Variants in IFT56 observed in about 807,000 individuals in gnomAD.
IFT56 encodes the protein intraflagellar transport 56.
the IFT56 span, among the ~76,000 whole-genome samples, chr7:139,155,503 T>A: frequency 6.6e-6 from 1 of 152,180 alleles, no homozygotes; most frequent in East Asian, 1.9e-4. Flanking sequence ...CATGAAAGGA[T>A]GTTAATGGAA....
At chr7:139,140,293 T>C in the IFT56 span, among the ~76,000 whole-genome samples, 1 of 152,058 alleles carries the variant, frequency 6.6e-6, no homozygotes, top group Non-Finnish European at 1.5e-5. Context: ...ATGCTGTTGG[T>C]GGTATTTAGG....
At chr7:139,161,152 C>CAG in the IFT56 span, 4 of 704,332 alleles carry the variant, frequency 5.7e-6, no homozygotes, top group East Asian at 2.8e-5. Flanking sequence ...CCCCTCCTCA[C>CAG]TGTGGAGGAG....
the IFT56 span, among the ~76,000 whole-genome samples, chr7:139,181,808 C>T: frequency 6.6e-6 from 1 of 152,120 alleles, no homozygotes; most frequent in Non-Finnish European, 1.5e-5. Flanking sequence ...CATATCTAAA[C>T]ATAGAAAAGG....
the IFT56 span, among the ~76,000 whole-genome samples, chr7:139,180,254 G>A: frequency 6.6e-6 from 1 of 152,122 alleles, no homozygotes; most frequent in Non-Finnish European, 1.5e-5. Context: ...GGAAAATGGC[G>A]TGAACCCGGG....
the IFT56 span, among the ~76,000 whole-genome samples, chr7:139,138,615 A>G: frequency 6.6e-6 from 1 of 152,178 alleles, no homozygotes; most frequent in Non-Finnish European, 1.5e-5. Context: ...GAACAGGAAA[A>G]TTAAGCCATT....
At chr7:139,162,859 C>G in the IFT56 span, among the ~76,000 whole-genome samples, 1 of 151,080 alleles carries the variant, frequency 6.6e-6, no homozygotes, top group African/African-American at 2.4e-5. Context: ...CTCGGGAGGC[C>G]AGGGCAGGAG....
the IFT56 span, among the ~76,000 whole-genome samples, chr7:139,152,420 C>T: frequency 0.23 from 35,279 of 152,206 alleles, 7,197 homozygotes; most frequent in African/African-American, 0.51. Flanking sequence ...AGCCACTGTG[C>T]CCAATCACTT....
chr7:139,185,393 A>G, the IFT56 span, among the ~76,000 whole-genome samples: 1 of 152,026 alleles, frequency 6.6e-6, no homozygotes, highest in Admixed American at 6.5e-5. Context: ...AAAGGTACAC[A>G]TGACCTCTGT....
At chr7:139,142,117 A>G in the IFT56 span, 1 of 868,970 alleles carries the variant, frequency 1.2e-6, no homozygotes, top group Non-Finnish European at 1.9e-6. Context: ...ACCAGACTCA[A>G]ACAATATGTA....
chr7:139,179,539 C>G, the IFT56 span: 89 of 1,584,084 alleles, frequency 5.6e-5, 1 homozygote, highest in Non-Finnish European at 6.9e-6. Context: ...CAAAAGCATC[C>G]TCATGTGTAT....
the IFT56 span, chr7:139,137,955 G>GT: frequency 6.4e-7 from 1 of 1,551,526 alleles, no homozygotes; most frequent in South Asian, 1.2e-5. Context: ...TGTAAAAAAA[G>GT]TTTTTTTCCT....
chr7:139,134,122 C>A, the IFT56 span, among the ~76,000 whole-genome samples: 1 of 152,266 alleles, frequency 6.6e-6, no homozygotes, highest in African/African-American at 2.4e-5. Context: ...AGAAGCAATG[C>A]GAAAGCATCT....
the IFT56 span, among the ~76,000 whole-genome samples, chr7:139,170,384 A>C: frequency 1.3e-5 from 2 of 152,236 alleles, no homozygotes; most frequent in African/African-American, 4.8e-5. Context: ...CCTGATAACA[A>C]AACCAAAGGC....
the IFT56 span, among the ~76,000 whole-genome samples, chr7:139,153,967 C>G: frequency 6.6e-6 from 1 of 152,222 alleles, no homozygotes; most frequent in East Asian, 1.9e-4. Context: ...AGTATATAAG[C>G]GTTTTGATTT....
At chr7:139,173,223 AC>A in the IFT56 span, 2 of 399,972 alleles carry the variant, frequency 5.0e-6, no homozygotes, top group South Asian at 4.4e-5. Flanking sequence ...GTACAAAGTC[AC>A]CTTTTTTTTT....
At chr7:139,137,277 T>TCTGAACATC in the IFT56 span, among the ~76,000 whole-genome samples, 1 of 152,244 alleles carries the variant, frequency 6.6e-6, no homozygotes, top group African/African-American at 2.4e-5. Flanking sequence ...GGCCAAGTCT[T>TCTGAACATC]CTGAACATCC....
At chr7:139,190,966 C>T in the IFT56 span, 2 of 152,154 alleles carry the variant, frequency 1.3e-5, no homozygotes, top group African/African-American at 4.8e-5. Flanking sequence ...TTAGTTGTTC[C>T]ATTTATCCCA....
chr7:139,181,915 A>G, the IFT56 span, among the ~76,000 whole-genome samples: 1 of 152,250 alleles, frequency 6.6e-6, no homozygotes, highest in African/African-American at 2.4e-5. Flanking sequence ...TGACTGGATT[A>G]ACTGAAGCCC....
At chr7:139,190,710 TATAAC>T in the IFT56 span, 7 of 152,242 alleles carry the variant, frequency 4.6e-5, no homozygotes, top group African/African-American at 1.7e-4. Context: ...TCTGAGCTCT[TATAAC>T]ATACAACTGA....
Sources: allele counts gnomAD v4.1 joint callset (sites outside exome capture counted in the v4.1 genomes callset), GRCh38; gene constraint gnomAD v4.1.1; transcripts MANE v1.5; gene names NCBI Gene and HGNC (gene_info 2026-07-23, HGNC 2026-07-21).